The following CTNNA3 variants were observed in gnomAD, a reference collection of about 807,000 sequenced individuals.
CTNNA3 encodes the protein catenin alpha 3.
A neutral mutation model predicts 95.7 loss-of-function variants in CTNNA3; 76 were observed. The ratio of observed to expected loss-of-function variants is 0.79; its 90% CI spans 0.66 to 0.96. The LOEUF is 0.96. Among genes scored for constraint, CTNNA3 ranks in the 40% least tolerant of loss-of-function variants. The pLI, the probability that CTNNA3 is intolerant of heterozygous loss-of-function variation, is 0.00. For synonymous variants in CTNNA3, 431 were observed against 374.4 expected, an observed-to-expected ratio of 1.15 and a Z score of -1.74; for missense variants, 1,191 against 1,089.8, an observed-to-expected ratio of 1.09 and a Z score of -1.31.
At chr10:65,938,456 T>A (rs2077377114) in intron 17 of CTNNA3, among the ~76,000 whole-genome samples, 1 of 152,178 alleles carries the variant, frequency 6.6e-6, no homozygotes, top group Admixed American at 6.5e-5. Flanking sequence ...ATCTATAACC[T>A]TGACACTATT....
At chr10:66,467,097 C>G (rs1838947976) in intron 11 of CTNNA3, among the ~76,000 whole-genome samples, 1 of 152,050 alleles carries the variant, frequency 6.6e-6, no homozygotes, top group Admixed American at 6.6e-5. Context: ...AATCTTCTTT[C>G]TCATTGTGTT....
At chr10:67,161,271 T>C (rs965405135) in intron 7 of CTNNA3, among the ~76,000 whole-genome samples, 3 of 151,940 alleles carry the variant, frequency 2.0e-5, no homozygotes, top group Non-Finnish European at 2.9e-5. Context: ...AAAGTAAAAA[T>C]ATGAATAAAA....
intron 7 of CTNNA3, among the ~76,000 whole-genome samples, chr10:66,905,396 G>T (rs1845943521): frequency 6.6e-6 from 1 of 152,144 alleles, no homozygotes. Context: ...GGAAGGGATA[G>T]CATTAGGCGA....
chr10:66,048,513 C>G (rs1257024613), intron 15 of CTNNA3, among the ~76,000 whole-genome samples: 2 of 152,156 alleles, frequency 1.3e-5, no homozygotes, highest in Non-Finnish European at 2.9e-5. Context: ...ATAATCCCAG[C>G]ACTTTGGGAG....
chr10:66,127,035 G>A (rs2082860080), intron 13 of CTNNA3, among the ~76,000 whole-genome samples: 3 of 152,084 alleles, frequency 2.0e-5, no homozygotes, highest in African/African-American at 4.8e-5. Flanking sequence ...TTGGGAGGCC[G>A]AGGTGGATGG....
At chr10:67,200,693 G>A (rs914273955) in intron 6 of CTNNA3, among the ~76,000 whole-genome samples, 5 of 152,070 alleles carry the variant, frequency 3.3e-5, no homozygotes, top group Admixed American at 3.3e-4. Flanking sequence ...AGACAATACT[G>A]CTCAGCCTAC....
chr10:66,481,139 A>G (rs1165436955), intron 11 of CTNNA3, among the ~76,000 whole-genome samples: 1 of 152,160 alleles, frequency 6.6e-6, no homozygotes, highest in Non-Finnish European at 1.5e-5. Context: ...GCGTAAAGGT[A>G]TATGTCTGTA....
chr10:67,205,941 A>T (rs1863877781), intron 6 of CTNNA3, among the ~76,000 whole-genome samples: 1 of 152,192 alleles, frequency 6.6e-6, no homozygotes, highest in Non-Finnish European at 1.5e-5. Context: ...GATGAAAAGA[A>T]TCTTGGGAGA....
At chr10:66,123,514 G>C (rs549396338) in intron 13 of CTNNA3, among the ~76,000 whole-genome samples, 7 of 152,202 alleles carry the variant, frequency 4.6e-5, no homozygotes, top group African/African-American at 1.7e-4. Context: ...CTGGGGTCTG[G>C]AGGATGGTGG....
At chr10:66,493,976 C>G (rs188728293) in intron 11 of CTNNA3, among the ~76,000 whole-genome samples, 2 of 144,648 alleles carry the variant, frequency 1.4e-5, no homozygotes, top group African/African-American at 5.2e-5. Flanking sequence ...GGCGCCACCT[C>G]GGCTCACTGC....
chr10:66,169,926 T>C (rs1291704106), intron 13 of CTNNA3, among the ~76,000 whole-genome samples: 1 of 152,200 alleles, frequency 6.6e-6, no homozygotes, highest in Non-Finnish European at 1.5e-5. Flanking sequence ...ATTAGTCCTT[T>C]GTCAGATGTA....
intron 10 of CTNNA3, among the ~76,000 whole-genome samples, chr10:66,588,213 C>T (rs1180253820): frequency 2.0e-5 from 3 of 152,098 alleles, no homozygotes; most frequent in South Asian, 2.1e-4. Flanking sequence ...CCCGGCTCTC[C>T]GGTGGGAGTG....
chr10:67,570,203 A>T (rs755288381), intron 3 of CTNNA3, among the ~76,000 whole-genome samples: 1 of 151,984 alleles, frequency 6.6e-6, no homozygotes, highest in Non-Finnish European at 1.5e-5. Context: ...TTCTTTTAGA[A>T]TATTATATAT....
chr10:67,699,696 G>A (rs557993670), upstream of CTNNA3, among the ~76,000 whole-genome samples: 14 of 152,308 alleles, frequency 9.2e-5, no homozygotes, highest in South Asian at 8.3e-4. Context: ...CATGAGCGAC[G>A]CAGAAGACGG....
chr10:65,925,915 G>C (rs762337734), intron 17 of CTNNA3, among the ~76,000 whole-genome samples: 2 of 151,402 alleles, frequency 1.3e-5, no homozygotes, highest in African/African-American at 2.4e-5. Flanking sequence ...TCATATAAAT[G>C]CTTCCCCTTT....
chr10:67,485,384 A>G (rs1387669210), intron 5 of CTNNA3, among the ~76,000 whole-genome samples: 1 of 152,158 alleles, frequency 6.6e-6, no homozygotes, highest in East Asian at 1.9e-4. Context: ...AAAACTACCT[A>G]TTGTGTACTA....
intron 10 of CTNNA3, among the ~76,000 whole-genome samples, chr10:66,558,281 T>C (rs953834298): frequency 1.3e-5 from 2 of 152,136 alleles, no homozygotes; most frequent in African/African-American, 4.8e-5. Flanking sequence ...TCCAATCTTT[T>C]ACAAAAAGCT....
chr10:66,384,905 C>T (rs924466395), intron 11 of CTNNA3, among the ~76,000 whole-genome samples: 1 of 152,136 alleles, frequency 6.6e-6, no homozygotes, highest in Admixed American at 6.5e-5. Context: ...AGAACAAAGA[C>T]ACAACATACC....
Position 65,989,085 on chromosome 10 carries a change from C to T in CTNNA3, c.2160-288G>A, listed in dbSNP as rs549642636. 7.8e-4 allele frequency among the ~76,000 whole-genome samples: 119 copies of T among 152,150 alleles called. 1 individual carries two copies. Among genetic ancestry groups the T allele is most frequent in the Middle Eastern group, 6.8e-3 (2 of 294 alleles). The stretch of plus-strand genomic sequence containing the variant: ...CCCCCCGAAGAGCTGGGACTGCAGG[C>T]GCGCGCCACCATGCCCGGCTAATTT... On this transcript the variant is annotated intron_variant, in intron 15 of 17. Transcript: ENST00000433211.
Sources: gnomAD v4.1 joint callset for allele counts (sites outside exome capture counted in the v4.1 genomes callset) on GRCh38, gnomAD v4.1.1 for gene constraint, MANE v1.5 for transcripts, NCBI Gene and HGNC (gene_info 2026-07-23, HGNC 2026-07-21) for gene names.